The following TSHR variants were observed in gnomAD, a reference collection of about 807,000 sequenced individuals.
TSHR encodes the protein thyroid stimulating hormone receptor, also known as thyrotropin receptor.
Under a neutral mutation model 64.1 loss-of-function variants are expected in TSHR, and 51 were observed. The observed-to-expected ratio is 0.80, with a 90% confidence interval of 0.64 to 1.01. TSHR has a LOEUF of 1.01. TSHR is among the 50% of genes least tolerant of loss of function. The pLI is 0.00. For synonymous variants in TSHR, 361 were observed against 361.9 expected (o/e 1.00, Z 0.03); for missense variants, 877 against 942.8 (o/e 0.93, Z 0.91).
chr14:80,978,094 AAC>A (rs60697218), intron 1 of TSHR, among the ~76,000 whole-genome samples: 20,167 of 146,350 alleles, frequency 0.14, 1,746 homozygotes, highest in African/African-American at 0.25. Context: ...ACATCCCTCC[AAC>A]ACACACACAC....
At chr14:81,043,694 G>T (rs2139850438) in intron 1 of TSHR, among the ~76,000 whole-genome samples, 1 of 152,182 alleles carries the variant, frequency 6.6e-6, no homozygotes. Context: ...ACACAACAAG[G>T]CTACAGTAAT....
chr14:81,008,299 A>G (rs879000753), intron 1 of TSHR, among the ~76,000 whole-genome samples: 6 of 151,664 alleles, frequency 4.0e-5, no homozygotes, highest in Admixed American at 2.0e-4. Flanking sequence ...CAGCCTCCCA[A>G]TTAGCTGGGA....
At chr14:81,028,658 C>A (rs1884197645) in intron 1 of TSHR, among the ~76,000 whole-genome samples, 1 of 152,048 alleles carries the variant, frequency 6.6e-6, no homozygotes, top group South Asian at 2.1e-4. Context: ...GAAATCCTAC[C>A]AGGAAATACA....
chr14:81,058,664 G>C lies in TSHR; in HGVS notation c.171-3484G>C, dbSNP rs61978748. ...TTTCATTAGAAACAAATTCTATTGC[G>C]ATGCAAATTCTTTGGACAAAAGTGA... On this transcript the variant is annotated intron_variant, in intron 1 of 9. Coordinates refer to ENST00000298171, the MANE Select transcript of TSHR (RefSeq NM_000369.5). 3.3e-5 allele frequency among the ~76,000 whole-genome samples: 5 copies of C among 152,190 alleles called. No homozygotes were observed. The East Asian group carries it at 5.8e-4, about 18-fold the overall frequency.
intron 5 of TSHR, among the ~76,000 whole-genome samples, chr14:81,091,987 T>C (rs1888772175): frequency 6.6e-6 from 1 of 152,152 alleles, no homozygotes; most frequent in African/African-American, 2.4e-5. Context: ...CTTGGGGTTT[T>C]GCTAGAAAAA....
At chr14:81,034,978 C>T (rs769660200) in intron 1 of TSHR, among the ~76,000 whole-genome samples, 2 of 151,782 alleles carry the variant, frequency 1.3e-5, no homozygotes, top group Non-Finnish European at 2.9e-5. Context: ...ATATGTGCTT[C>T]AGCTCCCAAC....
chr14:80,985,186 C>CT (rs1458611778), intron 1 of TSHR, among the ~76,000 whole-genome samples: 46 of 152,332 alleles, frequency 3.0e-4, no homozygotes, highest in Middle Eastern at 3.4e-3. Flanking sequence ...GGAGGCGGAG[C>CT]TTGCAGTGGG....
chr14:80,970,480 G>T (rs558401888), intron 1 of TSHR, among the ~76,000 whole-genome samples: 208 of 152,192 alleles, frequency 1.4e-3, no homozygotes, highest in Non-Finnish European at 2.7e-3. Context: ...CCTTCAGAAG[G>T]CAGATCCTTG....
intron 1 of TSHR, among the ~76,000 whole-genome samples, chr14:81,059,508 T>C (rs1221842448): frequency 6.6e-6 from 1 of 152,186 alleles, no homozygotes; most frequent in African/African-American, 2.4e-5. Flanking sequence ...TGGCAATCTA[T>C]ACAACTAGTT....
intron 7 of TSHR, among the ~76,000 whole-genome samples, chr14:81,097,433 GC>G (rs1267632744): frequency 3.3e-5 from 5 of 152,098 alleles, no homozygotes; most frequent in African/African-American, 7.2e-5. Flanking sequence ...TGCGTATGGG[GC>G]TTCTCAAACC....
intron 3 of TSHR, among the ~76,000 whole-genome samples, chr14:81,080,592 A>G (rs1019903276): frequency 2.6e-5 from 4 of 152,192 alleles, no homozygotes; most frequent in Admixed American, 6.5e-5. Flanking sequence ...TAATTTCTCA[A>G]TACATTAAAA....
intron 1 of TSHR, among the ~76,000 whole-genome samples, chr14:80,989,844 C>G (rs1486772557): frequency 6.6e-6 from 1 of 152,096 alleles, no homozygotes; most frequent in African/African-American, 2.4e-5. Flanking sequence ...AACTGAGACC[C>G]AGAAAGAGTA....
chr14:81,074,620 C>T (rs1887359579), intron 3 of TSHR, among the ~76,000 whole-genome samples: 1 of 152,140 alleles, frequency 6.6e-6, no homozygotes. Context: ...AAAGAGAGCT[C>T]TTTATTGTGT....
At chr14:81,087,785 T>C (rs1343521940) in intron 3 of TSHR, 169 bp from the exon 4 acceptor site, 2 of 686,384 alleles carry the variant, frequency 2.9e-6, no homozygotes, top group Admixed American at 4.1e-5. Context: ...GAGACAGGAG[T>C]AGTTTGTCAT....
chr14:81,118,926 G>C (rs1215930896), intron 8 of TSHR, among the ~76,000 whole-genome samples: 17 of 147,962 alleles, frequency 1.1e-4, no homozygotes, highest in African/African-American at 4.1e-4. Context: ...AAGCAATGGG[G>C]AAAGGATTCC....
At chr14:81,090,951 T>C (rs1888682786) in intron 4 of TSHR, 118 bp from the exon 5 acceptor site, 3 of 834,442 alleles carry the variant, frequency 3.6e-6, no homozygotes, top group Non-Finnish European at 5.9e-6. Flanking sequence ...TGTTGGGAGT[T>C]TGACTACAGG....
intron 8 of TSHR, among the ~76,000 whole-genome samples, chr14:81,133,422 T>C (rs1331644608): frequency 1.3e-5 from 2 of 152,130 alleles, no homozygotes; most frequent in South Asian, 2.1e-4. Flanking sequence ...CTGGGAGGAA[T>C]AGGACTTAGA....
intron 4 of TSHR, 141 bp downstream of exon 4, chr14:81,088,169 C>T (rs972701185): frequency 2.0e-5 from 14 of 697,542 alleles, no homozygotes; most frequent in East Asian, 8.1e-5. Context: ...GGCAAGGTAT[C>T]GGGTGAAATG....
intron 1 of TSHR, chr14:81,049,402 T>C (rs1253332485): frequency 1.3e-5 from 2 of 152,216 alleles, no homozygotes; most frequent in Non-Finnish European, 2.9e-5. Context: ...ATGTACTTTA[T>C]AATGAAAAGC....
Sources: gnomAD v4.1 joint callset for allele counts (sites outside exome capture counted in the v4.1 genomes callset) on GRCh38, gnomAD v4.1.1 for gene constraint, MANE v1.5 for transcripts, NCBI Gene and HGNC (gene_info 2026-07-23, HGNC 2026-07-21) for gene names.